KIF9: variants seen among roughly 807,000 people sequenced by gnomAD.
KIF9 encodes the protein kinesin-like protein KIF9.
In KIF9, 68 loss-of-function variants were observed where a neutral mutation model predicts 94.8. The ratio of observed to expected loss-of-function variants is 0.72; its 90% CI spans 0.59 to 0.88. KIF9 has a LOEUF of 0.88. KIF9 is among the 40% of genes least tolerant of loss of function. The probability of loss-of-function intolerance (pLI) is 0.00; values close to 1 mark genes in which losing one functional copy is unlikely to be tolerated. For synonymous variants in KIF9, 343 were observed against 362.1 expected, an observed-to-expected ratio of 0.95 and a Z score of 0.60; for missense variants, 882 against 982.5, an observed-to-expected ratio of 0.90 and a Z score of 1.37.
chr3:47,268,090 G>A (rs1158021376), intron 5 of KIF9, among the ~76,000 whole-genome samples: 3 of 151,796 alleles, frequency 2.0e-5, no homozygotes, highest in African/African-American at 7.3e-5. Flanking sequence ...AGGCTGGTCT[G>A]GAACTTATGA....
At chr3:47,278,516 C>T (rs547099055) in intron 1 of KIF9, among the ~76,000 whole-genome samples, 1 of 152,222 alleles carries the variant, frequency 6.6e-6, no homozygotes, top group South Asian at 2.1e-4. Context: ...ACTACAGGCG[C>T]ATGGCTTGGC....
chr3:47,271,697 G>A (rs1010062802), intron 4 of KIF9, among the ~76,000 whole-genome samples: 3 of 152,206 alleles, frequency 2.0e-5, no homozygotes, highest in African/African-American at 2.4e-5. Context: ...ACTCTGGAGT[G>A]AGGATTTCTT....
At chr3:47,235,394 G>T in intron 20 of KIF9, 119 bp downstream of exon 20, 1 of 738,916 alleles carries the variant, frequency 1.4e-6, no homozygotes, top group Non-Finnish European at 2.3e-6. Context: ...GACTGAGGGT[G>T]ACTAATCTCC....
chr3:47,268,817 T>G (rs919972743), intron 5 of KIF9, among the ~76,000 whole-genome samples: 1 of 152,142 alleles, frequency 6.6e-6, no homozygotes, highest in Non-Finnish European at 1.5e-5. Context: ...ACTCCTGAGC[T>G]CAAGCAATCC....
At position 47,249,845 on chromosome 3, in the gene KIF9, G is replaced by A. The variant is rs182871800; in HGVS notation, c.1060-1759C>T. Among the ~76,000 whole-genome samples the A allele has an allele frequency of 4.6e-5, 7 of 152,276 alleles. No individual in the cohort carries two copies. In the East Asian group the frequency reaches 7.7e-4, roughly 17 times the overall value. ...GGCCAAGGCAGGTGGATCATCTGAG[G>A]TCAGGAGTTCGAGACCACCCTTGTG... On this transcript the variant is annotated intron_variant, in intron 10 of 20. Coordinates refer to ENST00000684063, the MANE Select transcript of KIF9 (RefSeq NM_182902.4).
chr3:47,262,707 C>G (rs2107410260), intron 9 of KIF9, among the ~76,000 whole-genome samples: 1 of 152,310 alleles, frequency 6.6e-6, no homozygotes, highest in East Asian at 1.9e-4. Flanking sequence ...CAGGAGCACT[C>G]TCCTTGGAAG....
At position 47,236,518 on chromosome 3, in the gene KIF9, C is replaced by T. The variant is rs1292239329; in HGVS notation, c.2026G>A (p.Asp676Asn). ...LKKQYRSEYQDLRDLRAEIQY... is the reference protein window; with the variant it reads ...LKKQYRSEYQNLRDLRAEIQY... ...ATCTCAGCCCTGAGGTCACGCAGGT[C>T]CTGGTACTCGCTGCGGTACTGCTTC... The change falls in exon 18 of 21, where the codon GAC (aspartate) becomes AAC (asparagine). Residue 676 changes from aspartate (D) to asparagine (N), a missense_variant. Coordinates refer to ENST00000684063, the MANE Select transcript of KIF9 (RefSeq NM_182902.4). 68 of 1,613,916 alleles carry T rather than the reference C, an allele frequency of 4.2e-5. No homozygotes were observed. Among genetic ancestry groups the T allele is most frequent in the Non-Finnish European group, 5.7e-5 (67 of 1,180,014 alleles).
intron 13 of KIF9, 73 bp from the exon 14 acceptor site, chr3:47,245,584 T>G (rs1472715024): frequency 2.2e-5 from 26 of 1,177,844 alleles, no homozygotes; most frequent in Non-Finnish European, 3.3e-5. Context: ...AACCAAGTAC[T>G]GGGGTTAAAA....
At chr3:47,237,336 C>T (rs192507149) in intron 17 of KIF9, among the ~76,000 whole-genome samples, 113 of 152,316 alleles carry the variant, frequency 7.4e-4, no homozygotes, top group African/African-American at 2.6e-3. Context: ...TCAGGTGATC[C>T]GCCCGCCTCG....
At chr3:47,235,327 G>T (rs2107063213) in intron 20 of KIF9, among the ~76,000 whole-genome samples, 186 bp downstream of exon 20, 1 of 152,282 alleles carries the variant, frequency 6.6e-6, no homozygotes, top group East Asian at 1.9e-4. Flanking sequence ...GCCGTGGTTG[G>T]TGGGACTCCT....
chr3:47,271,203 G>A lies in KIF9; in HGVS notation c.591+34C>T, dbSNP rs368783557. 9 of 1,449,448 alleles carry A rather than the reference G, an allele frequency of 6.2e-6. No homozygotes were observed. The African/African-American group carries it at 1.3e-4, about 20-fold the overall frequency. The allele number at this position is 1,449,448 out of a possible 1,614,324, so 89.8% of individuals were successfully genotyped here. On this transcript the variant is annotated intron_variant, in intron 5 of 20. Transcript: ENST00000684063. Reference sequence around the variant, plus strand: ...AGAAGGAGGGTGGCAGGGAGGGAGAGAAGGAAAGGAACCCTCAGGTTTTAT... The same window carrying A: ...AGAAGGAGGGTGGCAGGGAGGGAGAAAAGGAAAGGAACCCTCAGGTTTTAT...
chr3:47,270,246 T>A (rs1701558383), intron 5 of KIF9, among the ~76,000 whole-genome samples: 1 of 151,100 alleles, frequency 6.6e-6, no homozygotes, highest in Non-Finnish European at 1.5e-5. Flanking sequence ...CTTATTTTTC[T>A]CTTTTTCTTT....
At chr3:47,246,403 G>C in intron 12 of KIF9, 151 bp from the exon 13 acceptor site, 1 of 462,478 alleles carries the variant, frequency 2.2e-6, no homozygotes, top group Admixed American at 4.2e-5. Flanking sequence ...TCTCAGCGAA[G>C]TGGCAGCCAA....
intron 15 of KIF9, 75 bp downstream of exon 15, chr3:47,244,716 G>C (rs1699809102): frequency 2.6e-6 from 4 of 1,551,958 alleles, no homozygotes; most frequent in Non-Finnish European, 3.5e-6. Context: ...GGGAAAGTGG[G>C]AACAGTGCAC....
intron 16 of KIF9, among the ~76,000 whole-genome samples, chr3:47,241,868 ATATATATATATATATATTTTT>A (rs1699569039): frequency 3.8e-5 from 4 of 105,024 alleles, no homozygotes; most frequent in South Asian, 5.9e-4. Flanking sequence ...ATATACACAT[ATATATATATATATATATTTTT>A]TTTTTTTTTT....
rs1380669108 is a variant in KIF9, at chr3:47,240,832, CA to C, written c.1892del (p.Leu631ArgfsTer19). On this transcript the variant is annotated frameshift_variant, in exon 17 of 21. Transcript: ENST00000684063. LOFTEE classifies it high-confidence loss of function. ...KREIDVTKEA[L>X]NFQKSLREKQ... Reference sequence around the variant, plus strand: ...TCTCCCGTAGTGACTTCTGGAAATTCAGGGCCTCCTTGGTCACATCAATCTC... The same window carrying C: ...TCTCCCGTAGTGACTTCTGGAAATTCGGGCCTCCTTGGTCACATCAATCTC... 9.9e-6 allele frequency: 16 copies of C among 1,614,068 alleles called. No homozygotes were observed. Among genetic ancestry groups the C allele is most frequent in the Non-Finnish European group, 1.2e-5 (14 of 1,180,042 alleles).
At chr3:47,281,643 C>G (rs950706052) in intron 1 of KIF9, among the ~76,000 whole-genome samples, 3 of 152,204 alleles carry the variant, frequency 2.0e-5, no homozygotes, top group Non-Finnish European at 4.4e-5. Flanking sequence ...CCACGGCGCC[C>G]GGCCCCCTCC....
intron 10 of KIF9, among the ~76,000 whole-genome samples, chr3:47,249,174 CT>C (rs1345914736): frequency 7.1e-6 from 1 of 140,430 alleles, no homozygotes; most frequent in Non-Finnish European, 1.5e-5. Flanking sequence ...GAGATGGGGT[CT>C]CGCTCTGTCG....
chr3:47,281,013 T>C lies in KIF9; in HGVS notation c.-6+1482A>G, dbSNP rs144886036. 6.3e-3 allele frequency: 4,458 copies of C among 703,090 alleles called. 31 individuals carry two copies. The highest frequency in any genetic ancestry group is 9.8e-3 in the Non-Finnish European group (3,758 of 385,022). The allele number at this position is 703,090 out of a possible 1,614,324, so 43.6% of individuals were successfully genotyped here. ...TTTGAGTGGGTTTCAGTTCCCAAAA[T>C]TAAATTACAAGCTGCTTGAAGGCAA... On this transcript the variant is annotated intron_variant, in intron 1 of 20. Transcript: ENST00000684063.
Sources: gnomAD v4.1 joint callset for allele counts (sites outside exome capture counted in the v4.1 genomes callset) on GRCh38, gnomAD v4.1.1 for gene constraint, MANE v1.5 for transcripts, NCBI Gene and HGNC (gene_info 2026-07-23, HGNC 2026-07-21) for gene names.